PRKCZ: variants seen among roughly 807,000 people sequenced by gnomAD.
PRKCZ encodes protein kinase C zeta type.
PRKCZ carries 33 observed loss-of-function variants against 79.5 expected under a neutral mutation model. That is an observed-to-expected ratio of 0.41 (90% CI 0.31 to 0.55). The LOEUF is 0.55. PRKCZ is among the 20% of genes least tolerant of loss of function. The pLI is 0.19. For synonymous variants in PRKCZ, 342 were observed against 320.9 expected, an observed-to-expected ratio of 1.07 and a Z score of -0.70; for missense variants, 578 against 813.5, an observed-to-expected ratio of 0.71 and a Z score of 3.52.
chr1:2,132,735 T>A (rs938295409), intron 4 of PRKCZ, among the ~76,000 whole-genome samples: 1 of 152,240 alleles, frequency 6.6e-6, no homozygotes, highest in Non-Finnish European at 1.5e-5. Flanking sequence ...GACTAAAATC[T>A]TCTGTAATTC....
intron 4 of PRKCZ, among the ~76,000 whole-genome samples, chr1:2,132,970 G>A (rs1193534942): frequency 6.6e-6 from 1 of 152,216 alleles, no homozygotes; most frequent in African/African-American, 2.4e-5. Flanking sequence ...GGCTCCCCAC[G>A]TGAATTTAGG....
chr1:2,068,149 C>A (rs1013134187), intron 4 of PRKCZ, among the ~76,000 whole-genome samples: 1 of 152,260 alleles, frequency 6.6e-6, no homozygotes, highest in Non-Finnish European at 1.5e-5. Flanking sequence ...CCGAGCAGCT[C>A]CTCCGGGGCA....
At chr1:2,135,192 C>A in intron 4 of PRKCZ, 70 bp from the exon 5 acceptor site, 1 of 1,367,690 alleles carries the variant, frequency 7.3e-7, no homozygotes, top group South Asian at 1.3e-5. Context: ...AGTGGCCTGT[C>A]GCAGCTGCAC....
chr1:2,107,741 C>G (rs1418293800), intron 4 of PRKCZ, among the ~76,000 whole-genome samples: 1 of 152,222 alleles, frequency 6.6e-6, no homozygotes, highest in Non-Finnish European at 1.5e-5. Context: ...CTCTCCGGCC[C>G]TTCGGCAGTG....
rs867036707 is a variant in PRKCZ, at chr1:2,127,351, C to T, written c.335-7911C>T. The stretch of plus-strand genomic sequence containing the variant: ...ACGGGAAGTTTGAGTTGCAGGCTTG[C>T]GATCCGGGCAGGTCCCTCAGATGGA... On this transcript the variant is annotated intron_variant, in intron 4 of 17. Transcript: ENST00000378567. This position sits in a 1 kb window ranked among gnomAD's most constrained non-coding sequence, Gnocchi z 5.1. Among the ~76,000 whole-genome samples, 7 of 152,138 alleles carry T rather than the reference C, an allele frequency of 4.6e-5. No individual in the cohort carries two copies. The South Asian group carries it at 6.2e-4, about 14-fold the overall frequency.
At chr1:2,091,149 A>G (rs1160761734) in intron 4 of PRKCZ, among the ~76,000 whole-genome samples, 1 of 152,168 alleles carries the variant, frequency 6.6e-6, no homozygotes, top group Non-Finnish European at 1.5e-5. Context: ...CTCCTGCCTC[A>G]GCTTCCCAAG....
intron 5 of PRKCZ, among the ~76,000 whole-genome samples, chr1:2,138,228 CTT>C (rs1302958628): frequency 6.6e-6 from 1 of 152,362 alleles, no homozygotes; most frequent in Non-Finnish European, 1.5e-5. Context: ...TTTCCGTCCT[CTT>C]TGTTGGTGAA....
intron 4 of PRKCZ, among the ~76,000 whole-genome samples, chr1:2,067,457 C>T (rs894957291): frequency 3.3e-5 from 5 of 152,100 alleles, no homozygotes; most frequent in East Asian, 1.9e-4. Context: ...AGATCAGGAG[C>T]GCCTGGTTTT....
At chr1:2,073,981 C>A (rs1392456389) in intron 4 of PRKCZ, 1 of 1,399,896 alleles carries the variant, frequency 7.1e-7, no homozygotes, top group Non-Finnish European at 9.3e-7. Flanking sequence ...GGGGCCGGGC[C>A]AGCCGTGCTG....
At chr1:2,108,082 G>T (rs16824792) in intron 4 of PRKCZ, among the ~76,000 whole-genome samples, 79,261 of 152,182 alleles carry the variant, frequency 0.52, 21,794 homozygotes, top group Middle Eastern at 0.62. Flanking sequence ...TGCCTGTTCT[G>T]GGGGTAGAGA....
intron 5 of PRKCZ, among the ~76,000 whole-genome samples, chr1:2,139,265 AT>A (rs1676836132): frequency 6.6e-6 from 1 of 152,044 alleles, no homozygotes; most frequent in African/African-American, 2.4e-5. Flanking sequence ...AACACAAGAC[AT>A]TTTCTCTGTC....
intron 9 of PRKCZ, among the ~76,000 whole-genome samples, chr1:2,151,898 C>T (rs1459539135): frequency 6.6e-6 from 1 of 152,126 alleles, no homozygotes; most frequent in Non-Finnish European, 1.5e-5. Flanking sequence ...GATCACGGTT[C>T]ACCTCCTGCA....
chr1:2,146,344 C>G (rs1678515747), intron 7 of PRKCZ, among the ~76,000 whole-genome samples: 1 of 152,190 alleles, frequency 6.6e-6, no homozygotes, highest in Admixed American at 6.5e-5. Flanking sequence ...GGCAGGGATG[C>G]CTCCGTGAAG....
rs1051187097 is a variant in PRKCZ, at chr1:2,178,228, T to A, written c.1575+2915T>A. ...GCCTCTCCCCACACCCTGCAGTGGC[T>A]GCTCCGCCAGGCTGTGTGGCTCTGC... On this transcript the variant is annotated intron_variant, in intron 16 of 17. Transcript: ENST00000378567. This position sits in a 1 kb window ranked among gnomAD's most constrained non-coding sequence, Gnocchi z 4.3. 6.6e-6 allele frequency among the ~76,000 whole-genome samples: 1 copy of A among 152,226 alleles called. No individual in the cohort carries two copies. The highest frequency in any genetic ancestry group is 2.4e-5 in the African/African-American group (1 of 41,458).
chr1:2,094,207 G>A lies in PRKCZ; in HGVS notation c.334+34616G>A, dbSNP rs1043440056. Among the ~76,000 whole-genome samples the A allele has an allele frequency of 5.3e-5, 8 of 152,216 alleles. No homozygotes were observed. The highest frequency in any genetic ancestry group is 1.4e-4 in the African/African-American group (6 of 41,518). On this transcript the variant is annotated intron_variant, in intron 4 of 17. Transcript: ENST00000378567. The surrounding 1 kb of genome is among the most constrained non-coding windows in gnomAD (Gnocchi z 7.3). ...CCCCCCACTTCCACCTGTCTTGGAC[G>A]GGAGCTGGAAGGGACGTGGTTCCAG...
intron 4 of PRKCZ, among the ~76,000 whole-genome samples, chr1:2,096,027 G>C (rs1666448917): frequency 6.6e-6 from 1 of 151,232 alleles, no homozygotes; most frequent in East Asian, 2.0e-4. Context: ...GGGTGTGGGG[G>C]CCGGGCCTGT....
At chr1:2,129,273 T>C (rs1471643182) in intron 4 of PRKCZ, among the ~76,000 whole-genome samples, 1 of 152,186 alleles carries the variant, frequency 6.6e-6, no homozygotes, top group Non-Finnish European at 1.5e-5. Context: ...GGTGCTCCTT[T>C]GATTCAGAAG....
At chr1:2,117,397 C>T (rs1458161589) in intron 4 of PRKCZ, among the ~76,000 whole-genome samples, 1 of 151,212 alleles carries the variant, frequency 6.6e-6, no homozygotes, top group African/African-American at 2.4e-5. Flanking sequence ...TTGTTTATAG[C>T]AATGTGTAAA....
At chr1:2,060,467 A>G (rs1210372214) in intron 4 of PRKCZ, among the ~76,000 whole-genome samples, 1 of 110,100 alleles carries the variant, frequency 9.1e-6, no homozygotes, top group Non-Finnish European at 2.1e-5. Flanking sequence ...GGGGCTGAAT[A>G]GAGGTTTGGC....
Sources: allele counts gnomAD v4.1 joint callset (sites outside exome capture counted in the v4.1 genomes callset), GRCh38; gene constraint gnomAD v4.1.1; non-coding constraint Gnocchi (gnomAD v3.1); transcripts MANE v1.5; gene names NCBI Gene and HGNC (gene_info 2026-07-23, HGNC 2026-07-21).